MAD1L1: variants seen among roughly 807,000 people sequenced by gnomAD.
MAD1L1 encodes mitotic arrest deficient 1 like 1.
In MAD1L1, 95 loss-of-function variants were observed where a neutral mutation model predicts 96.9. The observed-to-expected ratio is 0.98, with a 90% CI of 0.83 to 1.16. The LOEUF is 1.16. Among genes scored for constraint, MAD1L1 ranks in the 50% most tolerant of loss-of-function variants. The probability of loss-of-function intolerance (pLI) is 0.00; values close to 1 mark genes in which losing one functional copy is unlikely to be tolerated. For synonymous variants in MAD1L1, 473 were observed against 396.6 expected (o/e 1.19, Z -2.29); for missense variants, 1,007 against 954.4 (o/e 1.06, Z -0.73).
intron 15 of MAD1L1, among the ~76,000 whole-genome samples, chr7:1,970,444 G>C (rs1303553769): frequency 6.9e-6 from 1 of 145,234 alleles, no homozygotes; most frequent in African/African-American, 2.6e-5. Context: ...AGTGATCCTC[G>C]TGTCTCAACC....
intron 17 of MAD1L1, among the ~76,000 whole-genome samples, chr7:1,920,519 A>G (rs1253581914): frequency 6.6e-6 from 1 of 152,222 alleles, no homozygotes; most frequent in Non-Finnish European, 1.5e-5. Context: ...GGGGGAACCC[A>G]TCGCATGGAG....
chr7:1,898,423 G>A (rs762706034), intron 17 of MAD1L1, 33 bp from the exon 18 acceptor site: 14 of 1,599,952 alleles, frequency 8.8e-6, no homozygotes, highest in East Asian at 4.5e-5. Context: ...CAGTGAGTGC[G>A]GCACCAGGCC....
At chr7:1,885,881 C>T (rs540260041) in intron 18 of MAD1L1, among the ~76,000 whole-genome samples, 1 of 152,360 alleles carries the variant, frequency 6.6e-6, no homozygotes, top group Admixed American at 6.5e-5. Context: ...GCAGGGCAGG[C>T]AGACACCCCA....
At chr7:2,151,038 G>C (rs530706446) in intron 10 of MAD1L1, among the ~76,000 whole-genome samples, 2 of 152,340 alleles carry the variant, frequency 1.3e-5, no homozygotes, top group Admixed American at 6.5e-5. Context: ...GAGATGAAAG[G>C]TGCAGCTGCC....
At chr7:2,027,158 AAAG>A (rs1444356222) in intron 12 of MAD1L1, among the ~76,000 whole-genome samples, 1 of 152,164 alleles carries the variant, frequency 6.6e-6, no homozygotes, top group African/African-American at 2.4e-5. Context: ...ACAACTGAAT[AAAG>A]AAAAAAAAAG....
At chr7:1,940,047 C>T (rs1778871038) in intron 16 of MAD1L1, 2 of 152,460 alleles carry the variant, frequency 1.3e-5, no homozygotes, top group South Asian at 2.1e-4. Flanking sequence ...GGCCCTGCCA[C>T]CCCCCTCATG....
At chr7:2,037,752 T>G (rs1460245424) in intron 12 of MAD1L1, among the ~76,000 whole-genome samples, 3 of 152,132 alleles carry the variant, frequency 2.0e-5, no homozygotes, top group Non-Finnish European at 2.9e-5. Flanking sequence ...GTCTGGCTGC[T>G]TCACTGACCA....
intron 14 of MAD1L1, among the ~76,000 whole-genome samples, chr7:2,000,281 G>A (rs1284746553): frequency 5.3e-5 from 8 of 152,120 alleles, no homozygotes; most frequent in East Asian, 1.9e-4. Context: ...GCCTCCGCAC[G>A]CCATTGCAGT....
chr7:2,016,984 C>A (rs1440083822), intron 12 of MAD1L1, among the ~76,000 whole-genome samples: 1 of 152,256 alleles, frequency 6.6e-6, no homozygotes. Flanking sequence ...GGTAAACAAG[C>A]TGTAATTGTC....
At chr7:2,184,175 C>G (rs928315478) in intron 10 of MAD1L1, among the ~76,000 whole-genome samples, 1 of 151,982 alleles carries the variant, frequency 6.6e-6, no homozygotes, top group African/African-American at 2.4e-5. Flanking sequence ...TGGCATGAAT[C>G]CGGGAGGCGG....
intron 12 of MAD1L1, among the ~76,000 whole-genome samples, chr7:2,030,396 T>G (rs1227187644): frequency 6.6e-6 from 1 of 152,258 alleles, no homozygotes; most frequent in African/African-American, 2.4e-5. Flanking sequence ...TATTAATAAT[T>G]TCCGTATAGC....
intron 15 of MAD1L1, among the ~76,000 whole-genome samples, chr7:1,973,030 G>A (rs774287189): frequency 1.3e-5 from 2 of 152,144 alleles, no homozygotes; most frequent in African/African-American, 2.4e-5. Context: ...GAGTGAATTC[G>A]ATTCTTTCGA....
intron 17 of MAD1L1, among the ~76,000 whole-genome samples, chr7:1,924,784 T>C (rs1308418854): frequency 2.0e-5 from 3 of 152,082 alleles, no homozygotes; most frequent in Non-Finnish European, 2.9e-5. Context: ...TTTCCACATA[T>C]AGAGAGTAAG....
chr7:2,008,188 C>G (rs1041692576), intron 13 of MAD1L1, among the ~76,000 whole-genome samples: 14 of 152,342 alleles, frequency 9.2e-5, no homozygotes, highest in Middle Eastern at 3.4e-3. Flanking sequence ...GAACCACACT[C>G]ACAAGGGCGA....
rs1024805905 is a variant in MAD1L1, at chr7:2,014,681, G to A, written c.1219-39C>T. 8.5e-6 allele frequency: 13 copies of A among 1,523,706 alleles called. No individual in the cohort carries two copies. The Middle Eastern group carries it at 5.3e-4, about 62-fold the overall frequency. 94.4% of individuals were successfully genotyped at this position (1,523,706 alleles called of 1,614,324 possible). On this transcript the variant is annotated intron_variant, in intron 12 of 18. Coordinates refer to ENST00000265854, the MANE Select transcript of MAD1L1 (RefSeq NM_001013836.2). ...GGGCAGCTGATCAGGACCCGGGACG[G>A]GGGATGAGGTAATGATGGAGACGGC... is the stretch of plus-strand genomic sequence containing the variant.
chr7:1,902,006 G>A (rs1787276523), intron 17 of MAD1L1, among the ~76,000 whole-genome samples: 1 of 152,196 alleles, frequency 6.6e-6, no homozygotes, highest in Non-Finnish European at 1.5e-5. Flanking sequence ...TCAAGGCCTC[G>A]GTGAGGGGCA....
rs549560549 is a variant in MAD1L1 at position 1,952,454 on chromosome 7, G to C, written c.1596+5175C>G. ...CAATGACCTGCTTCCTTTCACGGAC[G>C]GGAAGCACCTCATCCGTCTGAACCA... On this transcript the variant is annotated intron_variant, in intron 16 of 18. Transcript: ENST00000265854. Among the ~76,000 whole-genome samples, 13 of 152,316 alleles carry C rather than the reference G, an allele frequency of 8.5e-5. No individual in the cohort carries two copies. The East Asian group carries it at 2.5e-3, about 29-fold the overall frequency.
At chr7:2,170,984 CT>C (rs1790678691) in intron 10 of MAD1L1, among the ~76,000 whole-genome samples, 1 of 152,208 alleles carries the variant, frequency 6.6e-6, no homozygotes, top group South Asian at 2.1e-4. Flanking sequence ...CGCAAAACAA[CT>C]TCTGGCCTTC....
chr7:1,925,985 T>G (rs1789064943), intron 17 of MAD1L1, among the ~76,000 whole-genome samples: 1 of 150,710 alleles, frequency 6.6e-6, no homozygotes. Flanking sequence ...AGGAGATCAG[T>G]GAAATTTATA....
Sources: gnomAD v4.1 joint callset for allele counts (sites outside exome capture counted in the v4.1 genomes callset) on GRCh38, gnomAD v4.1.1 for gene constraint, MANE v1.5 for transcripts, NCBI Gene and HGNC (gene_info 2026-07-23, HGNC 2026-07-21) for gene names.